The following MGMT variants were observed in gnomAD, a reference collection of about 807,000 sequenced individuals.
MGMT encodes O-6-methylguanine-DNA methyltransferase.
Under a neutral mutation model 15.9 loss-of-function variants are expected in MGMT, and 14 were observed. The ratio of observed to expected loss-of-function variants is 0.88; its 90% CI spans 0.58 to 1.37. The LOEUF (loss-of-function observed/expected upper bound fraction) is 1.37, where lower values mean the gene tolerates loss of function less well. Ranked by LOEUF, MGMT falls within the 40% of genes most tolerant of loss-of-function variation. The pLI, the probability that MGMT is intolerant of heterozygous loss-of-function variation, is 0.00. For synonymous variants in MGMT, 130 were observed against 118.2 expected, an observed-to-expected ratio of 1.10 and a Z score of -0.65; for missense variants, 282 against 268.1, an observed-to-expected ratio of 1.05 and a Z score of -0.36.
At chr10:129,488,724 G>A (rs1439718624) in intron 1 of MGMT, among the ~76,000 whole-genome samples, 3 of 152,118 alleles carry the variant, frequency 2.0e-5, no homozygotes, top group Admixed American at 6.5e-5. Flanking sequence ...CAGCTCATTT[G>A]AAATTAACTT....
chr10:129,553,721 C>T (rs1035481945), intron 2 of MGMT, among the ~76,000 whole-genome samples: 4 of 152,158 alleles, frequency 2.6e-5, no homozygotes, highest in Non-Finnish European at 1.5e-5. Context: ...GGTAGAAATA[C>T]ACAAAAGGCA....
At chr10:129,479,440 A>G (rs781445449) in intron 1 of MGMT, among the ~76,000 whole-genome samples, 10 of 151,882 alleles carry the variant, frequency 6.6e-5, no homozygotes, top group Non-Finnish European at 1.2e-4. Flanking sequence ...AAATGTTTTC[A>G]TATGGAATTG....
At chr10:129,687,723 G>C (rs1383717551) in intron 2 of MGMT, among the ~76,000 whole-genome samples, 1 of 146,014 alleles carries the variant, frequency 6.8e-6, no homozygotes, top group Admixed American at 6.9e-5. Context: ...TATACTTTAA[G>C]TTCTAGGGTA....
intron 2 of MGMT, among the ~76,000 whole-genome samples, chr10:129,628,975 G>A (rs1029828534): frequency 5.9e-5 from 9 of 152,148 alleles, no homozygotes; most frequent in East Asian, 1.9e-4. Context: ...CACTCCCAGC[G>A]CCACTCCCGG....
At chr10:129,703,574 G>T (rs999225806) in intron 2 of MGMT, among the ~76,000 whole-genome samples, 3 of 152,234 alleles carry the variant, frequency 2.0e-5, no homozygotes, top group Admixed American at 2.0e-4. Context: ...ACCTTGAGGT[G>T]CATGCCTCGC....
chr10:129,482,026 A>G (rs560726529), intron 1 of MGMT, among the ~76,000 whole-genome samples: 24 of 152,006 alleles, frequency 1.6e-4, no homozygotes, highest in Non-Finnish European at 1.0e-4. Context: ...TTCTTTTCTC[A>G]TATAAACATT....
At chr10:129,473,774 G>C (rs1018382014) in intron 1 of MGMT, among the ~76,000 whole-genome samples, 2 of 152,240 alleles carry the variant, frequency 1.3e-5, no homozygotes, top group Non-Finnish European at 2.9e-5. Context: ...TGAAGGCGTT[G>C]AGCCGTAGCT....
At chr10:129,708,543 C>T (rs934245546) in intron 3 of MGMT, among the ~76,000 whole-genome samples, 2 of 152,200 alleles carry the variant, frequency 1.3e-5, no homozygotes, top group African/African-American at 4.8e-5. Flanking sequence ...CATATTCTTT[C>T]TTAAGAGATG....
intron 1 of MGMT, among the ~76,000 whole-genome samples, chr10:129,472,447 C>T (rs377300114): frequency 4.6e-5 from 7 of 152,052 alleles, no homozygotes; most frequent in East Asian, 1.9e-4. Context: ...AACGAGAAGA[C>T]GGCGAAGAAC....
intron 1 of MGMT, among the ~76,000 whole-genome samples, chr10:129,487,556 G>A (rs1168679813): frequency 6.7e-6 from 1 of 148,200 alleles, no homozygotes; most frequent in Non-Finnish European, 1.5e-5. Context: ...CTTTTTTTTT[G>A]CTTCCCTCCG....
At position 129,632,243 on chromosome 10, in the gene MGMT, C is replaced by T. The variant is rs1847218294; in HGVS notation, c.126-75652C>T. On this transcript the variant is annotated intron_variant, in intron 2 of 4. Coordinates refer to ENST00000651593, the MANE Select transcript of MGMT (RefSeq NM_002412.5). ...TAACACCCTGTGATTGGTTATTTAG[C>T]TTACTTTCATTTTTAACTGTACCAA... Among the ~76,000 whole-genome samples, 3 of 152,164 alleles carry T rather than the reference C, an allele frequency of 2.0e-5. No individual in the cohort carries two copies. The South Asian group carries it at 6.2e-4, about 31-fold the overall frequency.
At chr10:129,579,137 C>G (rs1004340526) in intron 2 of MGMT, among the ~76,000 whole-genome samples, 12 of 152,164 alleles carry the variant, frequency 7.9e-5, no homozygotes, top group African/African-American at 2.7e-4. Context: ...TGAATTAAAA[C>G]AAGAAATTAG....
intron 3 of MGMT, among the ~76,000 whole-genome samples, chr10:129,752,842 A>C (rs1848764129): frequency 6.6e-6 from 1 of 152,142 alleles, no homozygotes; most frequent in South Asian, 2.1e-4. Context: ...ATCTTGAAAA[A>C]CTTGAGGAAA....
chr10:129,586,949 C>A (rs1464999220), intron 2 of MGMT, among the ~76,000 whole-genome samples: 6 of 152,146 alleles, frequency 3.9e-5, no homozygotes, highest in Admixed American at 3.9e-4. Context: ...GTGATACTGT[C>A]TTTTAGTGTT....
intron 2 of MGMT, among the ~76,000 whole-genome samples, chr10:129,583,613 CTTCA>C (rs1846582791): frequency 1.3e-5 from 2 of 152,206 alleles, no homozygotes; most frequent in South Asian, 4.1e-4. Context: ...CCAAATTCTT[CTTCA>C]TTGCATCTGA....
At chr10:129,538,361 G>C (rs1362517180) in intron 2 of MGMT, among the ~76,000 whole-genome samples, 1 of 152,144 alleles carries the variant, frequency 6.6e-6, no homozygotes, top group Non-Finnish European at 1.5e-5. Context: ...GAATTGCTGG[G>C]CTGGATGGCA....
At chr10:129,719,829 T>TG (rs1443531052) in intron 3 of MGMT, among the ~76,000 whole-genome samples, 13 of 152,168 alleles carry the variant, frequency 8.5e-5, no homozygotes, top group Non-Finnish European at 5.9e-5. Context: ...GTCTGTAAAG[T>TG]GGGGACAGTA....
chr10:129,609,343 C>T (rs895419456), intron 2 of MGMT, among the ~76,000 whole-genome samples: 2 of 148,358 alleles, frequency 1.3e-5, no homozygotes, highest in East Asian at 2.0e-4. Context: ...TGGCCCCATC[C>T]GGATGATGGA....
intron 2 of MGMT, among the ~76,000 whole-genome samples, chr10:129,671,195 A>T (rs1490331583): frequency 6.6e-6 from 1 of 152,236 alleles, no homozygotes; most frequent in Non-Finnish European, 1.5e-5. Flanking sequence ...GAGAACACAC[A>T]TTCAAAACTG....
Sources: allele counts gnomAD v4.1 joint callset (sites outside exome capture counted in the v4.1 genomes callset), GRCh38; gene constraint gnomAD v4.1.1; transcripts MANE v1.5; gene names NCBI Gene and HGNC (gene_info 2026-07-23, HGNC 2026-07-21).